RPSA2: variants seen among roughly 807,000 people sequenced by gnomAD.
RPSA2 encodes small ribosomal subunit protein uS2B.
the RPSA2 span, among the ~76,000 whole-genome samples, chr19:23,758,529 G>C: frequency 2.6e-5 from 4 of 152,334 alleles, no homozygotes; most frequent in East Asian, 5.8e-4. Flanking sequence ...GAGCCACCCA[G>C]AGAGAGCTGC....
the RPSA2 span, among the ~76,000 whole-genome samples, chr19:23,810,310 C>G: frequency 7.0e-6 from 1 of 143,724 alleles, no homozygotes; most frequent in Admixed American, 7.5e-5. Flanking sequence ...AGGAGAATGG[C>G]GTGAACCTGG....
At chr19:23,810,809 G>T in the RPSA2 span, among the ~76,000 whole-genome samples, 1 of 152,120 alleles carries the variant, frequency 6.6e-6, no homozygotes, top group Non-Finnish European at 1.5e-5. Flanking sequence ...AAGAGTTTGG[G>T]ATGGTTACAG....
At chr19:23,863,228 C>A in the RPSA2 span, among the ~76,000 whole-genome samples, 1 of 152,092 alleles carries the variant, frequency 6.6e-6, no homozygotes, top group African/African-American at 2.4e-5. Flanking sequence ...AGTTTGTCTG[C>A]AATTTGAATG....
the RPSA2 span, among the ~76,000 whole-genome samples, chr19:23,852,978 C>T: frequency 6.6e-6 from 1 of 152,124 alleles, no homozygotes; most frequent in Non-Finnish European, 1.5e-5. Flanking sequence ...TGATAACAGT[C>T]AATTCTTTGT....
chr19:23,870,051 G>C, the RPSA2 span, among the ~76,000 whole-genome samples: 1 of 152,152 alleles, frequency 6.6e-6, no homozygotes, highest in Non-Finnish European at 1.5e-5. Context: ...CTGGGCTATG[G>C]ATTCTCATTA....
the RPSA2 span, among the ~76,000 whole-genome samples, chr19:23,773,996 A>ATT: frequency 2.0e-5 from 3 of 152,180 alleles, no homozygotes; most frequent in Non-Finnish European, 2.9e-5. Flanking sequence ...GAGTGATCTG[A>ATT]CTCTTGCCTA....
the RPSA2 span, among the ~76,000 whole-genome samples, chr19:23,797,072 A>T: frequency 6.6e-6 from 1 of 151,796 alleles, no homozygotes; most frequent in Admixed American, 6.6e-5. Flanking sequence ...AGTATTGCAG[A>T]TATTCTGATG....
chr19:23,863,239 C>T, the RPSA2 span, among the ~76,000 whole-genome samples: 1 of 152,122 alleles, frequency 6.6e-6, no homozygotes, highest in Non-Finnish European at 1.5e-5. Context: ...AATTTGAATG[C>T]TTTAGATTAA....
chr19:23,856,755 G>A, the RPSA2 span, among the ~76,000 whole-genome samples: 3 of 152,140 alleles, frequency 2.0e-5, no homozygotes, highest in Admixed American at 6.5e-5. Flanking sequence ...ATCACATATC[G>A]GTAGGACCAT....
the RPSA2 span, among the ~76,000 whole-genome samples, chr19:23,864,778 T>G: frequency 2.6e-5 from 4 of 152,168 alleles, no homozygotes; most frequent in African/African-American, 7.2e-5. Flanking sequence ...CTGAGTTATT[T>G]GTAGAGTAAA....
At chr19:23,792,585 G>GT in the RPSA2 span, among the ~76,000 whole-genome samples, 21 of 12,044 alleles carry the variant, frequency 1.7e-3, no homozygotes, top group South Asian at 0.036. Flanking sequence ...TTTTGTTTTT[G>GT]TTTTTGTTTT....
chr19:23,851,016 G>A, the RPSA2 span, among the ~76,000 whole-genome samples: 1,712 of 152,250 alleles, frequency 0.011, 16 homozygotes, highest in Non-Finnish European at 0.017. Context: ...ACATATCCAG[G>A]GGCATTGTCT....
the RPSA2 span, among the ~76,000 whole-genome samples, chr19:23,860,744 A>G: frequency 3.9e-5 from 6 of 152,214 alleles, no homozygotes; most frequent in Non-Finnish European, 7.3e-5. Context: ...TAATAGTAGT[A>G]AATACAGAAG....
chr19:23,839,505 T>C, the RPSA2 span, among the ~76,000 whole-genome samples: 1 of 152,066 alleles, frequency 6.6e-6, no homozygotes, highest in Non-Finnish European at 1.5e-5. Context: ...GCAAGTTGGG[T>C]TTGAAAATTA....
the RPSA2 span, among the ~76,000 whole-genome samples, chr19:23,775,437 G>A: frequency 1.4e-3 from 217 of 152,246 alleles, no homozygotes; most frequent in Non-Finnish European, 2.5e-3. Context: ...GTACGATCAC[G>A]GGTCCATAGC....
chr19:23,852,086 C>T, the RPSA2 span, among the ~76,000 whole-genome samples: 1,862 of 152,166 alleles, frequency 0.012, 14 homozygotes, highest in Middle Eastern at 0.017. Context: ...TGGAATGAAG[C>T]GAAAACTAGA....
the RPSA2 span, among the ~76,000 whole-genome samples, chr19:23,812,850 TA>T: frequency 1.3e-5 from 2 of 152,202 alleles, no homozygotes; most frequent in South Asian, 4.1e-4. Flanking sequence ...AAAAGATTTA[TA>T]ATTTGGTATT....
chr19:23,854,385 C>T, the RPSA2 span, among the ~76,000 whole-genome samples: 2 of 152,188 alleles, frequency 1.3e-5, no homozygotes, highest in African/African-American at 2.4e-5. Flanking sequence ...GGTGGACAAG[C>T]ATTGTACTGA....
At chr19:23,823,370 C>T in the RPSA2 span, among the ~76,000 whole-genome samples, 1 of 152,080 alleles carries the variant, frequency 6.6e-6, no homozygotes, top group Non-Finnish European at 1.5e-5. Flanking sequence ...AATCCCCTCA[C>T]AATTACTAAA....
Sources: gnomAD v4.1 joint callset for allele counts (sites outside exome capture counted in the v4.1 genomes callset) on GRCh38, gnomAD v4.1.1 for gene constraint, MANE v1.5 for transcripts, NCBI Gene and HGNC (gene_info 2026-07-23, HGNC 2026-07-21) for gene names.